CPA4: variants seen among roughly 807,000 people sequenced by gnomAD.
CPA4 encodes the protein carboxypeptidase A3.
Under a neutral mutation model 54.7 loss-of-function variants are expected in CPA4, and 49 were observed. That is an observed-to-expected ratio of 0.90 (90% CI 0.71 to 1.14). The LOEUF is 1.14. Ranked by LOEUF, CPA4 falls within the 50% of genes most tolerant of loss-of-function variation. CPA4 has a pLI of 0.00. For missense variants in CPA4, 487 were observed against 525.1 expected, an observed-to-expected ratio of 0.93 and a Z score of 0.71; for synonymous variants, 215 against 206.8, an observed-to-expected ratio of 1.04 and a Z score of -0.34.
At chr7:130,315,405 G>A (rs1793973557) in intron 10 of CPA4, among the ~76,000 whole-genome samples, 1 of 151,556 alleles carries the variant, frequency 6.6e-6, no homozygotes, top group South Asian at 2.1e-4. Context: ...GTTTGTATGT[G>A]TTTGGAGTGA....
chr7:130,293,165 C>T lies in CPA4; in HGVS notation c.-16C>T. On this transcript the variant is annotated 5_prime_UTR_variant, in exon 1 of 11. Coordinates refer to ENST00000222482, the MANE Select transcript of CPA4 (RefSeq NM_016352.4). The stretch of plus-strand genomic sequence containing the variant: ...ACAGCTTGACTCAGCCACTGTATGA[C>T]TGACTCCCCGGGGACATGAGGTGGA... 1.3e-6 allele frequency: 2 copies of T among 1,574,702 alleles called. No homozygotes were observed. Among genetic ancestry groups the T allele is most frequent in the Non-Finnish European group, 1.7e-6 (2 of 1,144,092 alleles).
At chr7:130,314,559 G>A (rs1478291175) in intron 10 of CPA4, among the ~76,000 whole-genome samples, 1 of 152,234 alleles carries the variant, frequency 6.6e-6, no homozygotes, top group Non-Finnish European at 1.5e-5. Flanking sequence ...CCGGAGCAAA[G>A]GAACAGTTAG....
chr7:130,300,614 A>G (rs1395365820), intron 3 of CPA4, among the ~76,000 whole-genome samples: 1 of 152,040 alleles, frequency 6.6e-6, no homozygotes, highest in Non-Finnish European at 1.5e-5. Context: ...GATTACAGAC[A>G]TGAGCCACCC....
intron 1 of CPA4, among the ~76,000 whole-genome samples, chr7:130,293,992 T>TAC (rs1321958055): frequency 6.6e-6 from 1 of 152,182 alleles, no homozygotes; most frequent in African/African-American, 2.4e-5. Context: ...ATAAAAGGGA[T>TAC]ACCATGGTGC....
chr7:130,296,723 G>A (rs79818805), intron 1 of CPA4, among the ~76,000 whole-genome samples: 6,858 of 92,836 alleles, frequency 0.074, 218 homozygotes, highest in Middle Eastern at 0.17. Flanking sequence ...GTCTTGTTCT[G>A]TCAACCAGAC....
chr7:130,300,819 C>T lies in CPA4; in HGVS notation c.289C>T (p.Leu97Phe). Reference protein sequence around the residue: ...YAVTIEDLQALLDNEDDEMQH... With the variant: ...YAVTIEDLQAFLDNEDDEMQH... ...CAACATTGCTGTGTGTTTTCAGGCC[C>T]TTTTAGACAATGAAGATGATGAAAT... is the stretch of plus-strand genomic sequence containing the variant. Residue 97 changes from leucine (L) to phenylalanine (F), a missense_variant, in exon 4 of 11, where the codon CTT (leucine) becomes TTT (phenylalanine). Leu to Phe is a conservative substitution (Grantham distance 22, BLOSUM62 0). Coordinates refer to ENST00000222482, the MANE Select transcript of CPA4 (RefSeq NM_016352.4). 1.9e-6 allele frequency: 3 copies of T among 1,611,682 alleles called. No homozygotes were observed. The highest frequency in any genetic ancestry group is 1.7e-4 in the Middle Eastern group (1 of 6,060).
intron 7 of CPA4, 29 bp from the exon 8 acceptor site, chr7:130,308,278 G>A (rs1220313775): frequency 1.3e-6 from 2 of 1,593,436 alleles, no homozygotes; most frequent in Non-Finnish European, 1.7e-6. Context: ...GCCTCTGGTT[G>A]TTTGTCCCCT....
intron 10 of CPA4, among the ~76,000 whole-genome samples, chr7:130,318,586 T>G (rs1436973093): frequency 2.0e-5 from 3 of 152,104 alleles, no homozygotes; most frequent in Admixed American, 6.5e-5. Context: ...AATTTTTGTA[T>G]TTTTAGTAGA....
chr7:130,319,320 C>G (rs762806570), intron 10 of CPA4, among the ~76,000 whole-genome samples: 1 of 152,170 alleles, frequency 6.6e-6, no homozygotes, highest in Non-Finnish European at 1.5e-5. Flanking sequence ...GGTTTTCACG[C>G]TCATGTGTGA....
At chr7:130,299,127 G>T (rs957174375) in intron 2 of CPA4, 143 bp from the exon 3 acceptor site, 1 of 864,160 alleles carries the variant, frequency 1.2e-6, no homozygotes, top group East Asian at 2.4e-5. Context: ...AGACACAATT[G>T]TGAAATGGGC....
intron 7 of CPA4, among the ~76,000 whole-genome samples, chr7:130,307,874 T>C (rs1165989103): frequency 2.0e-5 from 3 of 152,168 alleles, no homozygotes; most frequent in Non-Finnish European, 4.4e-5. Flanking sequence ...TGTTCCTTTA[T>C]CCCCTGTATT....
chr7:130,308,850 C>CTTTTT (rs1249548992), intron 8 of CPA4, among the ~76,000 whole-genome samples: 2 of 120,284 alleles, frequency 1.7e-5, no homozygotes, highest in African/African-American at 7.1e-5. Context: ...CTAGCCCAGC[C>CTTTTT]TTTTTTTTTT....
At chr7:130,311,432 GGTGGCTGC>G (rs1210251485) in intron 9 of CPA4, among the ~76,000 whole-genome samples, 122 of 152,302 alleles carry the variant, frequency 8.0e-4, no homozygotes, top group African/African-American at 2.7e-3. Flanking sequence ...GGTGACTGCA[GGTGGCTGC>G]CCAGGCTCAC....
chr7:130,322,450 G>T (rs368839061), intron 10 of CPA4, 39 bp from the exon 11 acceptor site: 357 of 1,568,416 alleles, frequency 2.3e-4, no homozygotes, highest in Non-Finnish European at 2.9e-4. Context: ...ACCCAGGAGG[G>T]AACTGGGCTT....
intron 4 of CPA4, among the ~76,000 whole-genome samples, chr7:130,301,525 C>T (rs577530606): frequency 7.5e-4 from 114 of 152,228 alleles, no homozygotes; most frequent in Non-Finnish European, 1.4e-3. Context: ...ACCATGAATG[C>T]GGTACAGTTC....
At chr7:130,318,227 G>A (rs1394831301) in intron 10 of CPA4, among the ~76,000 whole-genome samples, 1 of 152,092 alleles carries the variant, frequency 6.6e-6, no homozygotes, top group Non-Finnish European at 1.5e-5. Context: ...GGGGTCACCA[G>A]GGTCCTGGCC....
Position 130,293,214 on chromosome 7 carries a change from G to A in CPA4, c.34G>A (p.Gly12Arg). 1.2e-6 allele frequency: 2 copies of A among 1,612,784 alleles called. No individual in the cohort carries two copies. The highest frequency in any genetic ancestry group is 1.7e-6 in the Non-Finnish European group (2 of 1,178,872). Residue 12 changes from glycine to arginine, a missense_variant, in exon 1 of 11, where the codon GGG becomes AGG. Gly to Arg is a moderately radical substitution (Grantham distance 125). Coordinates refer to ENST00000222482, the MANE Select transcript of CPA4 (RefSeq NM_016352.4). Reference protein sequence around the residue: ...RWILFIGALIGSSICGQEKFF... With the variant: ...RWILFIGALIRSSICGQEKFF... ...GATACTGTTCATTGGGGCCCTTATT[G>A]GGTCCAGCATCTGTGGCCAAGAAAA... is the stretch of plus-strand genomic sequence containing the variant.
intron 7 of CPA4, 127 bp downstream of exon 7, chr7:130,307,024 A>C: frequency 1.5e-6 from 1 of 687,096 alleles, no homozygotes; most frequent in Non-Finnish European, 2.6e-6. Flanking sequence ...TTCATCTTCT[A>C]GTCATCCTCA....
At chr7:130,294,077 T>C (rs1450915813) in intron 1 of CPA4, among the ~76,000 whole-genome samples, 1 of 152,176 alleles carries the variant, frequency 6.6e-6, no homozygotes, top group Non-Finnish European at 1.5e-5. Context: ...TTCATGTACA[T>C]TATCTTTTTG....
Sources: gnomAD v4.1 joint callset for allele counts (sites outside exome capture counted in the v4.1 genomes callset) on GRCh38, gnomAD v4.1.1 for gene constraint, MANE v1.5 for transcripts, NCBI Gene and HGNC (gene_info 2026-07-23, HGNC 2026-07-21) for gene names.